NAALADL2: variants seen among roughly 807,000 people sequenced by gnomAD.
NAALADL2 encodes inactive N-acetylated-alpha-linked acidic dipeptidase-like protein 2.
A neutral mutation model predicts 87.2 loss-of-function variants in NAALADL2; 76 were observed. The ratio of observed to expected loss-of-function variants is 0.87; its 90% CI spans 0.72 to 1.05. The LOEUF is 1.05. Among genes scored for constraint, NAALADL2 ranks in the 50% least tolerant of loss-of-function variants. The probability of loss-of-function intolerance (pLI) is 0.00; values close to 1 mark genes in which losing one functional copy is unlikely to be tolerated. For missense variants in NAALADL2, 1,089 were observed against 945.8 expected, an observed-to-expected ratio of 1.15 and a Z score of -1.99; for synonymous variants, 354 against 331.0, an observed-to-expected ratio of 1.07 and a Z score of -0.75.
chr3:175,724,699 C>T (rs1467715447), intron 11 of NAALADL2, among the ~76,000 whole-genome samples: 6 of 152,042 alleles, frequency 3.9e-5, no homozygotes, highest in African/African-American at 9.7e-5. Flanking sequence ...TTTTTCCATT[C>T]CCATATCTCT....
chr3:175,670,114 A>G (rs60363532), intron 11 of NAALADL2, among the ~76,000 whole-genome samples: 4,359 of 152,010 alleles, frequency 0.029, 206 homozygotes, highest in African/African-American at 0.1. Context: ...TTATTATCTC[A>G]TTTTAAAGAT....
At chr3:175,123,368 G>T in intron 2 of NAALADL2, among the ~76,000 whole-genome samples, 1 of 151,922 alleles carries the variant, frequency 6.6e-6, no homozygotes, top group East Asian at 1.9e-4. Flanking sequence ...CCCAAGTCAT[G>T]ATTTCTGTCA....
At chr3:174,749,436 C>T (rs1029181382) in intron 3 of NAALADL2, among the ~76,000 whole-genome samples, 1 of 151,198 alleles carries the variant, frequency 6.6e-6, no homozygotes, top group African/African-American at 2.4e-5. Context: ...ACATCACTCA[C>T]AATGATGCAA....
At chr3:175,119,692 T>TATATAGATATAGATATAG (rs1553779279) in intron 2 of NAALADL2, among the ~76,000 whole-genome samples, 8,222 of 145,278 alleles carry the variant, frequency 0.057, 675 homozygotes, top group African/African-American at 0.18. Flanking sequence ...AAGGTGTGTA[T>TATATAGATATAGATATAG]ATATAGATAT....
Position 175,481,355 on chromosome 3 carries a change from GTGTGTGTGTGTA to G in NAALADL2, c.1653+9599_1653+9610del, listed in dbSNP as rs972764943. ...TGCCACTGTGTGTGTGTGTGTGTGT[GTGTGTGTGTGTA>G]TATAGCTGTGTCTACATACTCTTTT... On this transcript the variant is annotated intron_variant, in intron 9 of 13. Coordinates refer to ENST00000454872, the MANE Select transcript of NAALADL2 (RefSeq NM_207015.3). 4.0e-5 allele frequency among the ~76,000 whole-genome samples: 6 copies of G among 150,144 alleles called. No homozygotes were observed. In the East Asian group the frequency reaches 7.9e-4, roughly 20 times the overall value.
In NAALADL2 at chr3:174,710,230, CT is replaced by C. The variant is rs57899491; in HGVS notation, c.-114-27397del. The stretch of plus-strand genomic sequence containing the variant: ...GTAGTCAACTAGTCATATGAGCCTC[CT>C]TTTTTTTTTTTTTCTTTTTCTTTTC... On this transcript the variant is annotated intron_variant, in intron 2 of 3. Coordinates refer to the NAALADL2 transcript ENST00000434257. Among the ~76,000 whole-genome samples the C allele has an allele frequency of 6.8e-3, 928 of 136,298 alleles. 5 individuals are homozygous for C. The highest frequency in any genetic ancestry group is 0.022 in the African/African-American group (825 of 36,858). The allele number at this position is 136,298 out of a possible 152,430, so 89.4% of individuals were successfully genotyped here.
chr3:175,346,444 A>G (rs16825489), intron 5 of NAALADL2, among the ~76,000 whole-genome samples: 62,828 of 151,924 alleles, frequency 0.41, 13,494 homozygotes, highest in East Asian at 0.67. Flanking sequence ...AAAAAACTTC[A>G]TCCTTACCCC....
chr3:175,136,818 T>G lies in NAALADL2; in HGVS notation c.545+39527T>G, dbSNP rs374560467. ...ATCTTTGACGGTTAAGAGGTCACAG[T>G]GACCTTGTGTTTCTATAAGTCAATA... On this transcript the variant is annotated intron_variant, in intron 2 of 13. Coordinates refer to ENST00000454872, the MANE Select transcript of NAALADL2 (RefSeq NM_207015.3). Among the ~76,000 whole-genome samples the G allele has an allele frequency of 5.4e-4, 82 of 152,292 alleles. No homozygotes were observed. In the South Asian group the frequency reaches 0.017, roughly 32 times the overall value.
At position 175,587,390 on chromosome 3, in the gene NAALADL2, T is replaced by G. The variant is rs577919883; in HGVS notation, c.1800+11203T>G. 7.2e-5 allele frequency among the ~76,000 whole-genome samples: 11 copies of G among 152,310 alleles called. No individual in the cohort carries two copies. The South Asian group carries it at 2.3e-3, about 32-fold the overall frequency. Reference sequence around the variant, plus strand: ...TTCAGTTTTTTAGTTGATTCTGAAATTTAGTCTATTTCAACTGATTAAACT... The same window carrying G: ...TTCAGTTTTTTAGTTGATTCTGAAAGTTAGTCTATTTCAACTGATTAAACT... On this transcript the variant is annotated intron_variant, in intron 10 of 13. Transcript: ENST00000454872.
At chr3:175,288,534 T>A (rs777022724) in intron 4 of NAALADL2, among the ~76,000 whole-genome samples, 14 of 152,204 alleles carry the variant, frequency 9.2e-5, no homozygotes, top group Non-Finnish European at 1.6e-4. Context: ...AAATCTTGTC[T>A]ATTTATCATT....
intron 1 of NAALADL2, among the ~76,000 whole-genome samples, chr3:175,055,968 T>A (rs1011561104): frequency 2.0e-5 from 3 of 152,170 alleles, no homozygotes; most frequent in Non-Finnish European, 4.4e-5. Context: ...AATATTTCCC[T>A]GTTGATCTGG....
At chr3:174,798,208 A>G (rs1404089895) in intron 3 of NAALADL2, among the ~76,000 whole-genome samples, 3 of 152,188 alleles carry the variant, frequency 2.0e-5, no homozygotes, top group Non-Finnish European at 4.4e-5. Flanking sequence ...ATTAATCTAT[A>G]TATCTATCTT....
At chr3:175,456,781 A>AT (rs1239334730) in intron 6 of NAALADL2, among the ~76,000 whole-genome samples, 1 of 151,954 alleles carries the variant, frequency 6.6e-6, no homozygotes, top group Non-Finnish European at 1.5e-5. Flanking sequence ...AACATTTTCC[A>AT]TTTTTCCCAG....
At chr3:174,758,745 G>T (rs975135663) in intron 3 of NAALADL2, among the ~76,000 whole-genome samples, 5 of 152,302 alleles carry the variant, frequency 3.3e-5, no homozygotes, top group Admixed American at 2.0e-4. Flanking sequence ...AGTTTGTTGA[G>T]CTTAGCAATC....
chr3:175,104,031 C>T (rs1354569311), intron 2 of NAALADL2, among the ~76,000 whole-genome samples: 1 of 152,178 alleles, frequency 6.6e-6, no homozygotes, highest in African/African-American at 2.4e-5. Context: ...CTTCTTTTAA[C>T]TCAGACATTA....
chr3:174,980,429 G>A (rs1403774287), intron 1 of NAALADL2, among the ~76,000 whole-genome samples: 1 of 152,138 alleles, frequency 6.6e-6, no homozygotes, highest in Non-Finnish European at 1.5e-5. Context: ...GAACCCAGGA[G>A]TTTGAGGCTG....
At chr3:175,164,823 T>C (rs56832947) in intron 2 of NAALADL2, among the ~76,000 whole-genome samples, 84,140 of 152,002 alleles carry the variant, frequency 0.55, 23,481 homozygotes, top group East Asian at 0.71. Context: ...TTCTCTAATC[T>C]GTATTCTGAG....
chr3:175,656,917 G>T (rs1291848677), intron 11 of NAALADL2, among the ~76,000 whole-genome samples: 1 of 152,116 alleles, frequency 6.6e-6, no homozygotes, highest in East Asian at 1.9e-4. Context: ...CACCGTCATG[G>T]CCATTATAAT....
intron 1 of NAALADL2, among the ~76,000 whole-genome samples, chr3:175,075,734 C>T (rs1308757606): frequency 1.3e-5 from 2 of 152,058 alleles, no homozygotes; most frequent in East Asian, 3.9e-4. Flanking sequence ...TCTAGTCAGG[C>T]CCAGAATAAT....
Sources: gnomAD v4.1 joint callset for allele counts (sites outside exome capture counted in the v4.1 genomes callset) on GRCh38, gnomAD v4.1.1 for gene constraint, MANE v1.5 for transcripts, NCBI Gene and HGNC (gene_info 2026-07-23, HGNC 2026-07-21) for gene names.